FSTL5: variants seen among roughly 807,000 people sequenced by gnomAD.
FSTL5 encodes the protein follistatin like 5.
A neutral mutation model predicts 89.1 loss-of-function variants in FSTL5; 62 were observed. The ratio of observed to expected loss-of-function variants is 0.70; its 90% CI spans 0.57 to 0.86. The LOEUF is 0.86. FSTL5 is among the 40% of genes least tolerant of loss of function. The pLI is 0.00. For synonymous variants in FSTL5, 383 were observed against 346.2 expected, an observed-to-expected ratio of 1.11 and a Z score of -1.18; for missense variants, 1,057 against 1,001.6, an observed-to-expected ratio of 1.06 and a Z score of -0.75.
chr4:161,742,176 A>G (rs1051821549), intron 6 of FSTL5, among the ~76,000 whole-genome samples: 1 of 152,220 alleles, frequency 6.6e-6, no homozygotes, highest in Admixed American at 6.5e-5. Flanking sequence ...ATTTGAGAGA[A>G]AACTTGTTAA....
chr4:161,691,178 A>G (rs1249613857), intron 6 of FSTL5, among the ~76,000 whole-genome samples: 1 of 151,986 alleles, frequency 6.6e-6, no homozygotes, highest in African/African-American at 2.4e-5. Flanking sequence ...CTATAGATTT[A>G]ACTTTATTAT....
intron 3 of FSTL5, among the ~76,000 whole-genome samples, chr4:161,975,842 G>A (rs930330749): frequency 8.6e-5 from 13 of 150,878 alleles, no homozygotes; most frequent in Non-Finnish European, 1.3e-4. Context: ...CAGGCTGGGC[G>A]CAGTGGCTCA....
Position 161,510,988 on chromosome 4 carries a change from T to G in FSTL5, c.1313-564A>C, listed in dbSNP as rs73861560. 6.5e-3 allele frequency among the ~76,000 whole-genome samples: 987 copies of G among 152,242 alleles called. 8 individuals are homozygous for G. The highest frequency in any genetic ancestry group is 0.022 in the African/African-American group (897 of 41,564). Reference sequence around the variant, plus strand: ...TAGATCTAAGTATACTTCGCTTCTTTTAGTACATACTGAATTGTTCTTGAA... The same window carrying G: ...TAGATCTAAGTATACTTCGCTTCTTGTAGTACATACTGAATTGTTCTTGAA... On this transcript the variant is annotated intron_variant, in intron 10 of 15. Coordinates refer to ENST00000306100, the MANE Select transcript of FSTL5 (RefSeq NM_020116.5).
chr4:161,498,070 C>G (rs1237519039), intron 12 of FSTL5, among the ~76,000 whole-genome samples: 1 of 150,950 alleles, frequency 6.6e-6, no homozygotes, highest in Non-Finnish European at 1.5e-5. Flanking sequence ...CTCTATGTCT[C>G]TATGTATGTA....
In FSTL5 at chr4:161,529,516, C is replaced by T. The variant is rs951477573; in HGVS notation, c.1312+8650G>A. ...CTTAAGACATTTTATTTCATAATAACCTTATTGCTATATAAATCTTATATC... is the reference window on the plus strand; with the variant it reads ...CTTAAGACATTTTATTTCATAATAATCTTATTGCTATATAAATCTTATATC... On this transcript the variant is annotated intron_variant, in intron 10 of 15. Coordinates refer to ENST00000306100, the MANE Select transcript of FSTL5 (RefSeq NM_020116.5). Among the ~76,000 whole-genome samples the T allele has an allele frequency of 1.4e-5, 2 of 141,826 alleles. 1 individual carries two copies. The highest frequency in any genetic ancestry group is 4.8e-4 in the South Asian group (2 of 4,140). 93.0% of individuals were successfully genotyped at this position (141,826 alleles called of 152,430 possible). A position where few individuals can be genotyped will look rare whatever the true frequency, so the allele number is the denominator to read the frequency against.
At chr4:161,739,950 T>A (rs1739948758) in intron 6 of FSTL5, among the ~76,000 whole-genome samples, 1 of 152,126 alleles carries the variant, frequency 6.6e-6, no homozygotes, top group Non-Finnish European at 1.5e-5. Context: ...AATTTGAGGA[T>A]AAATAATCCC....
At chr4:161,863,330 TATTC>T (rs1447792741) in intron 4 of FSTL5, among the ~76,000 whole-genome samples, 4 of 152,138 alleles carry the variant, frequency 2.6e-5, no homozygotes, top group Non-Finnish European at 5.9e-5. Context: ...TACAGTAAAA[TATTC>T]ATTTTGTTTA....
At chr4:162,043,482 GT>G (rs1427096280) in intron 2 of FSTL5, among the ~76,000 whole-genome samples, 5 of 152,134 alleles carry the variant, frequency 3.3e-5, no homozygotes, top group Non-Finnish European at 7.3e-5. Flanking sequence ...TGAGTCACAA[GT>G]TTTTGCTGTT....
At chr4:161,922,076 A>G (rs532895039) in intron 3 of FSTL5, among the ~76,000 whole-genome samples, 49 of 152,200 alleles carry the variant, frequency 3.2e-4, no homozygotes, top group African/African-American at 1.1e-3. Flanking sequence ...TTAAAATTAC[A>G]CAAAAAGATC....
chr4:161,920,763 G>T (rs1733973806), intron 3 of FSTL5, 111 bp from the exon 4 acceptor site: 2 of 1,021,802 alleles, frequency 2.0e-6, no homozygotes, highest in Non-Finnish European at 2.8e-6. Context: ...ATAGTATAGT[G>T]TATTCAGGGC....
chr4:162,054,532 CAG>C (rs1312406348), intron 2 of FSTL5, among the ~76,000 whole-genome samples: 2 of 151,646 alleles, frequency 1.3e-5, no homozygotes, highest in Non-Finnish European at 2.9e-5. Flanking sequence ...ATATAGAAAA[CAG>C]AGTTAAACTT....
At chr4:161,398,438 G>A (rs1034031084) in intron 15 of FSTL5, among the ~76,000 whole-genome samples, 1 of 151,910 alleles carries the variant, frequency 6.6e-6, no homozygotes, top group Non-Finnish European at 1.5e-5. Context: ...TTATGTAATT[G>A]CTTCAGTAAA....
At chr4:161,936,276 T>C (rs1243666761) in intron 3 of FSTL5, among the ~76,000 whole-genome samples, 2 of 152,190 alleles carry the variant, frequency 1.3e-5, no homozygotes, top group Non-Finnish European at 2.9e-5. Context: ...ATTTACATAA[T>C]CTAAGTGTGT....
At chr4:161,410,932 A>C (rs1453267615) in intron 15 of FSTL5, among the ~76,000 whole-genome samples, 2 of 126,998 alleles carry the variant, frequency 1.6e-5, no homozygotes, top group Non-Finnish European at 3.5e-5. Flanking sequence ...AAGATTAATG[A>C]AACCAAGGGT....
intron 15 of FSTL5, among the ~76,000 whole-genome samples, chr4:161,416,140 C>T (rs976944485): frequency 3.3e-5 from 5 of 151,982 alleles, no homozygotes. Flanking sequence ...ATAATTTTGT[C>T]GTTATTATCC....
intron 8 of FSTL5, among the ~76,000 whole-genome samples, chr4:161,572,677 C>A (rs1733060196): frequency 6.6e-6 from 1 of 151,924 alleles, no homozygotes; most frequent in Non-Finnish European, 1.5e-5. Flanking sequence ...ATCTCATGTA[C>A]AAGTAACAAG....
chr4:161,762,501 C>T (rs765929899), intron 5 of FSTL5, among the ~76,000 whole-genome samples: 15 of 152,044 alleles, frequency 9.9e-5, no homozygotes, highest in Non-Finnish European at 1.9e-4. Flanking sequence ...CATGACACTG[C>T]CAGATTCACT....
intron 10 of FSTL5, among the ~76,000 whole-genome samples, chr4:161,531,979 C>T (rs999844218): frequency 1.7e-4 from 26 of 151,758 alleles, no homozygotes; most frequent in Admixed American, 5.9e-4. Flanking sequence ...CCGAGACGGG[C>T]GGATCATGAG....
chr4:161,432,694 A>G (rs191623448), intron 15 of FSTL5, among the ~76,000 whole-genome samples: 13 of 146,030 alleles, frequency 8.9e-5, no homozygotes, highest in South Asian at 4.2e-4. Flanking sequence ...CAGATTAGGG[A>G]AAAAAAAAGA....
Sources: allele counts gnomAD v4.1 joint callset (sites outside exome capture counted in the v4.1 genomes callset), GRCh38; gene constraint gnomAD v4.1.1; transcripts MANE v1.5; gene names NCBI Gene and HGNC (gene_info 2026-07-23, HGNC 2026-07-21).